The following ANKS1B variants were observed in gnomAD, a reference collection of about 807,000 sequenced individuals.
The protein encoded by ANKS1B is ankyrin repeat and sterile alpha motif domain-containing protein 1B.
A neutral mutation model predicts 148.3 loss-of-function variants in ANKS1B; 36 were observed. The ratio of observed to expected loss-of-function variants is 0.24; its 90% CI spans 0.19 to 0.32. The LOEUF (loss-of-function observed/expected upper bound fraction) is 0.32. ANKS1B is among the 10% of genes least tolerant of loss of function. The pLI is 1.00. For synonymous variants in ANKS1B, 542 were observed against 560.8 expected, an observed-to-expected ratio of 0.97 and a Z score of 0.47; for missense variants, 1,157 against 1,542.6, an observed-to-expected ratio of 0.75 and a Z score of 4.19.
intron 12 of ANKS1B, among the ~76,000 whole-genome samples, chr12:99,367,133 G>C (rs553238534): frequency 2.0e-4 from 31 of 152,214 alleles, no homozygotes; most frequent in African/African-American, 7.0e-4. Context: ...AAAAACGTGG[G>C]GAGAGGAGTG....
chr12:98,894,555 G>A (rs747445079), intron 17 of ANKS1B: 1 of 983,828 alleles, frequency 1.0e-6, no homozygotes. Flanking sequence ...TGCCCCGGCT[G>A]CGGCACCACT....
At chr12:99,157,611 T>C (rs980952029) in intron 14 of ANKS1B, among the ~76,000 whole-genome samples, 9 of 151,812 alleles carry the variant, frequency 5.9e-5, no homozygotes, top group African/African-American at 2.2e-4. Flanking sequence ...AATGTGTGTG[T>C]GCACAAAACA....
intron 17 of ANKS1B, among the ~76,000 whole-genome samples, chr12:98,906,144 C>T (rs2099778730): frequency 6.6e-6 from 1 of 152,154 alleles, no homozygotes; most frequent in Admixed American, 6.5e-5. Context: ...TTCTAATTTG[C>T]TTTTCTCTCC....
chr12:99,015,847 C>A (rs1344567766), intron 17 of ANKS1B, among the ~76,000 whole-genome samples: 1 of 152,118 alleles, frequency 6.6e-6, no homozygotes, highest in Non-Finnish European at 1.5e-5. Flanking sequence ...GCCTGGGTGA[C>A]AGAGCAAGAC....
intron 15 of ANKS1B, among the ~76,000 whole-genome samples, chr12:99,132,932 T>C (rs987842893): frequency 6.6e-6 from 1 of 152,156 alleles, no homozygotes; most frequent in African/African-American, 2.4e-5. Flanking sequence ...AGCTGGAAAC[T>C]TAAAATTCAT....
intron 1 of ANKS1B, among the ~76,000 whole-genome samples, chr12:99,935,410 T>C (rs2094739658): frequency 6.6e-6 from 1 of 151,376 alleles, no homozygotes; most frequent in African/African-American, 2.4e-5. Context: ...ACATTTACCA[T>C]CTCACAGGTT....
intron 10 of ANKS1B, among the ~76,000 whole-genome samples, chr12:99,475,771 A>T (rs2096309504): frequency 6.6e-6 from 1 of 151,954 alleles, no homozygotes; most frequent in Admixed American, 6.6e-5. Flanking sequence ...TAATTACATT[A>T]ATCAGTCATA....
intron 25 of ANKS1B, among the ~76,000 whole-genome samples, chr12:98,762,869 T>C (rs2153446073): frequency 6.6e-6 from 1 of 152,262 alleles, no homozygotes; most frequent in East Asian, 1.9e-4. Context: ...CTCTAGGGCT[T>C]AGAATAGGTC....
chr12:99,528,327 G>C (rs1011672749), intron 9 of ANKS1B, among the ~76,000 whole-genome samples: 2 of 150,954 alleles, frequency 1.3e-5, no homozygotes, highest in Non-Finnish European at 2.9e-5. Context: ...AAGATTTCCT[G>C]ATGAAGATGC....
intron 17 of ANKS1B, among the ~76,000 whole-genome samples, chr12:98,860,411 GCTTA>G (rs1271624449): frequency 3.3e-5 from 5 of 152,150 alleles, no homozygotes; most frequent in Admixed American, 6.5e-5. Flanking sequence ...CAGGCCTTGT[GCTTA>G]CTAAGTGAAT....
chr12:98,790,156 C>T (rs1175388446), intron 22 of ANKS1B, among the ~76,000 whole-genome samples: 1 of 152,222 alleles, frequency 6.6e-6, no homozygotes, highest in Non-Finnish European at 1.5e-5. Flanking sequence ...CTGTTTGAAT[C>T]TATCACTTAT....
chr12:99,435,996 T>C (rs1449193740), intron 11 of ANKS1B, among the ~76,000 whole-genome samples: 1 of 152,050 alleles, frequency 6.6e-6, no homozygotes, highest in Non-Finnish European at 1.5e-5. Context: ...AAATCGCTCT[T>C]TGTTTTACTT....
At chr12:99,447,238 T>C (rs565434840) in intron 10 of ANKS1B, among the ~76,000 whole-genome samples, 1 of 152,116 alleles carries the variant, frequency 6.6e-6, no homozygotes. Context: ...TCTTCAATAA[T>C]GGCATTGGGA....
chr12:99,007,996 C>T (rs2099937131), intron 17 of ANKS1B, among the ~76,000 whole-genome samples: 3 of 151,826 alleles, frequency 2.0e-5, no homozygotes, highest in Admixed American at 6.6e-5. Flanking sequence ...TCAGCTCTAA[C>T]TACACTGCTT....
intron 9 of ANKS1B, among the ~76,000 whole-genome samples, chr12:99,524,765 G>A (rs2096910058): frequency 6.6e-6 from 1 of 152,132 alleles, no homozygotes; most frequent in East Asian, 1.9e-4. Context: ...AGCAAAAGGG[G>A]AAACCCCTTA....
At chr12:98,920,216 G>C (rs1461039182) in intron 17 of ANKS1B, among the ~76,000 whole-genome samples, 1 of 152,142 alleles carries the variant, frequency 6.6e-6, no homozygotes, top group Non-Finnish European at 1.5e-5. Flanking sequence ...CACACTATTT[G>C]CTTAGATTGT....
At chr12:99,693,642 T>C (rs946598289) in intron 8 of ANKS1B, among the ~76,000 whole-genome samples, 3 of 152,194 alleles carry the variant, frequency 2.0e-5, no homozygotes, top group Non-Finnish European at 4.4e-5. Flanking sequence ...CAGTTCAGGA[T>C]AGTCATCATA....
intron 10 of ANKS1B, among the ~76,000 whole-genome samples, chr12:99,489,843 T>C (rs1176195374): frequency 3.3e-5 from 5 of 152,208 alleles, no homozygotes; most frequent in African/African-American, 7.2e-5. Context: ...GATGATTATT[T>C]GGTAATAAAT....
intron 14 of ANKS1B, among the ~76,000 whole-genome samples, chr12:99,228,896 C>T (rs1007100862): frequency 6.6e-6 from 1 of 151,846 alleles, no homozygotes; most frequent in Non-Finnish European, 1.5e-5. Context: ...AAGTTTTGTG[C>T]TTCACCTATG....
Sources: allele counts gnomAD v4.1 joint callset (sites outside exome capture counted in the v4.1 genomes callset), GRCh38; gene constraint gnomAD v4.1.1; transcripts MANE v1.5; gene names NCBI Gene and HGNC (gene_info 2026-07-23, HGNC 2026-07-21).